Variants in HDAC8 observed in about 807,000 individuals in gnomAD.
HDAC8 encodes the protein histone deacetylase 8, also known as histone deacetylase-like 1.
In HDAC8, 1 loss-of-function variant was observed where a neutral mutation model predicts 32.2. That is an observed-to-expected ratio of 0.03 (90% confidence interval 0.01 to 0.15). The LOEUF (loss-of-function observed/expected upper bound fraction) is 0.15, where lower values mean the gene tolerates loss of function less well. HDAC8 is among the 10% of genes least tolerant of loss of function. The pLI, the probability that HDAC8 is intolerant of heterozygous loss-of-function variation, is 1.00. For missense variants in HDAC8, 117 were observed against 300.0 expected (o/e 0.39, Z 4.51); for synonymous variants, 108 against 113.9 (o/e 0.95, Z 0.33).
chrX:72,361,440 T>C (rs969664354), intron 9 of HDAC8, among the ~76,000 whole-genome samples: 2 of 111,503 alleles, frequency 1.8e-5, no homozygotes, highest in Non-Finnish European at 1.9e-5. Flanking sequence ...CCCAGGCTGG[T>C]GTGCAGTGAT....
chrX:72,522,306 CTGTT>C (rs1391180914), intron 4 of HDAC8, among the ~76,000 whole-genome samples: 6 of 112,551 alleles, frequency 5.3e-5, no homozygotes, highest in African/African-American at 1.9e-4. Flanking sequence ...AACATTATCT[CTGTT>C]TGGTATTTCT....
intron 4 of HDAC8, among the ~76,000 whole-genome samples, chrX:72,551,538 A>C (rs782099654): frequency 8.9e-5 from 10 of 111,769 alleles, no homozygotes; most frequent in African/African-American, 2.6e-4. Context: ...TTACTCTAAA[A>C]TTTTGGTCCC....
chrX:72,377,408 T>G (rs782202972), intron 9 of HDAC8, among the ~76,000 whole-genome samples: 4 of 112,758 alleles, frequency 3.5e-5, no homozygotes, highest in Admixed American at 2.8e-4. Context: ...ATGTATATTC[T>G]GCTCTAGTTG....
Position 72,386,682 on chromosome X carries a change from A to T in HDAC8, c.1006-34844T>A, listed in dbSNP as rs187809482. 4.5e-5 allele frequency among the ~76,000 whole-genome samples: 5 copies of T among 111,799 alleles called. No homozygotes were observed. The East Asian group carries it at 1.1e-3, about 25-fold the overall frequency. ...AGGTACTATACTAGCTCCATGACAG[A>T]TGAGGAACCTAACAGATAAGACACA... On this transcript the variant is annotated intron_variant, in intron 9 of 10. Coordinates refer to ENST00000373573, the MANE Select transcript of HDAC8 (RefSeq NM_018486.3).
chrX:72,359,834 C>T (rs2044489568), intron 9 of HDAC8, among the ~76,000 whole-genome samples: 1 of 110,246 alleles, frequency 9.1e-6, no homozygotes, highest in Admixed American at 9.7e-5. Flanking sequence ...GCAGGTGGAT[C>T]TCATGAGGCC....
At chrX:72,511,964 T>C (rs2049601519) in intron 4 of HDAC8, among the ~76,000 whole-genome samples, 1 of 112,188 alleles carries the variant, frequency 8.9e-6, no homozygotes, top group Non-Finnish European at 1.9e-5. Context: ...TGAAAGATTG[T>C]TCATAATAAT....
intron 9 of HDAC8, among the ~76,000 whole-genome samples, chrX:72,455,553 G>A (rs2047697533): frequency 8.9e-6 from 1 of 111,830 alleles, no homozygotes; most frequent in African/African-American, 3.2e-5. Flanking sequence ...TTGGACATTT[G>A]GCAAATATTT....
At chrX:72,437,776 C>T (rs781986252) in intron 9 of HDAC8, among the ~76,000 whole-genome samples, 39 of 112,212 alleles carry the variant, frequency 3.5e-4, no homozygotes, top group African/African-American at 1.2e-3. Flanking sequence ...CCGCTGTACC[C>T]AGACTGCCTC....
At chrX:72,467,965 G>C (rs1555995759) in intron 7 of HDAC8, 3 of 1,189,627 alleles carry the variant, frequency 2.5e-6, no homozygotes, top group Non-Finnish European at 3.4e-6. Context: ...TTTGATTATA[G>C]CCAGGTAGGG....
intron 9 of HDAC8, among the ~76,000 whole-genome samples, chrX:72,426,835 T>C (rs1404052104): frequency 2.7e-5 from 3 of 109,846 alleles, no homozygotes; most frequent in African/African-American, 9.9e-5. Flanking sequence ...CTTTAGGAGG[T>C]AATTTAGACT....
intron 9 of HDAC8, among the ~76,000 whole-genome samples, chrX:72,398,208 A>G (rs1345648722): frequency 1.2e-4 from 13 of 112,073 alleles, no homozygotes; most frequent in Non-Finnish European, 2.1e-4. Context: ...TTTAATTTAC[A>G]TTTCCCTGAT....
intron 4 of HDAC8, among the ~76,000 whole-genome samples, chrX:72,555,976 C>T (rs1354045381): frequency 3.6e-5 from 4 of 111,865 alleles, no homozygotes; most frequent in Non-Finnish European, 3.8e-5. Context: ...GTCAAGACGA[C>T]GGAAAGAATC....
At chrX:72,518,731 A>G (rs868938029) in intron 4 of HDAC8, among the ~76,000 whole-genome samples, 6 of 111,552 alleles carry the variant, frequency 5.4e-5, no homozygotes, top group African/African-American at 1.6e-4. Context: ...TTAGCTATTC[A>G]TCCCTCCTCT....
At chrX:72,468,857 T>C (rs1212341233) in intron 7 of HDAC8, among the ~76,000 whole-genome samples, 1 of 112,289 alleles carries the variant, frequency 8.9e-6, no homozygotes, top group African/African-American at 3.2e-5. Flanking sequence ...CTGTTATAGG[T>C]ACTACGTTGG....
intron 9 of HDAC8, among the ~76,000 whole-genome samples, chrX:72,374,618 G>A (rs1315645191): frequency 9.1e-6 from 1 of 109,996 alleles, no homozygotes; most frequent in Non-Finnish European, 1.9e-5. Flanking sequence ...GTTGCAGTGA[G>A]CTGAGATCAC....
At chrX:72,449,226 A>AC (rs1245199020) in intron 9 of HDAC8, among the ~76,000 whole-genome samples, 1 of 111,678 alleles carries the variant, frequency 9.0e-6, no homozygotes, top group Non-Finnish European at 1.9e-5. Flanking sequence ...TGGCACATAT[A>AC]CCCCATGGAA....
intron 2 of HDAC8, among the ~76,000 whole-genome samples, chrX:72,571,239 C>A (rs2052033885): frequency 9.0e-6 from 1 of 111,725 alleles, no homozygotes; most frequent in African/African-American, 3.3e-5. Context: ...TGGTCTTGAT[C>A]TGTCTCCAGC....
chrX:72,415,491 A>T (rs2147910631), intron 9 of HDAC8, among the ~76,000 whole-genome samples: 1 of 112,249 alleles, frequency 8.9e-6, no homozygotes, highest in African/African-American at 3.2e-5. Flanking sequence ...TCTGATAGCA[A>T]TTGTCTCAGA....
intron 9 of HDAC8, among the ~76,000 whole-genome samples, chrX:72,358,923 C>A (rs113005606): frequency 0.088 from 9,775 of 111,556 alleles, 504 homozygotes; most frequent in African/African-American, 0.19. Flanking sequence ...TAATGCTGCC[C>A]CTGATCTGAC....
Sources: allele counts gnomAD v4.1 joint callset (sites outside exome capture counted in the v4.1 genomes callset), GRCh38; gene constraint gnomAD v4.1.1; transcripts MANE v1.5; gene names NCBI Gene and HGNC (gene_info 2026-07-23, HGNC 2026-07-21).